KCNQ5: variants seen among roughly 807,000 people sequenced by gnomAD.
The protein encoded by KCNQ5 is potassium voltage-gated channel subfamily KQT member 5.
Under a neutral mutation model 98.2 loss-of-function variants are expected in KCNQ5, and 30 were observed. The observed-to-expected ratio is 0.31, with a 90% CI of 0.23 to 0.41. The LOEUF (loss-of-function observed/expected upper bound fraction) is 0.41. Ranked by LOEUF, KCNQ5 falls within the 10% of genes least tolerant of loss-of-function variation. The pLI is 1.00. For synonymous variants in KCNQ5, 458 were observed against 449.4 expected (o/e 1.02, Z -0.24); for missense variants, 835 against 1,182.5 (o/e 0.71, Z 4.31).
chr6:73,181,244 G>A (rs1202708884), intron 11 of KCNQ5, among the ~76,000 whole-genome samples: 1 of 152,168 alleles, frequency 6.6e-6, no homozygotes, highest in African/African-American at 2.4e-5. Flanking sequence ...TATCAGTTTT[G>A]TGCAATGGGT....
At chr6:73,169,189 G>T (rs1450768110) in intron 10 of KCNQ5, among the ~76,000 whole-genome samples, 4 of 66,912 alleles carry the variant, frequency 6.0e-5, no homozygotes, top group African/African-American at 4.5e-4. Context: ...TTTTTATCCA[G>T]TCTGAAAATC....
intron 2 of KCNQ5, among the ~76,000 whole-genome samples, chr6:73,015,066 T>C (rs1172092538): frequency 6.6e-6 from 1 of 152,102 alleles, no homozygotes; most frequent in African/African-American, 2.4e-5. Context: ...TAACAGAGTG[T>C]AAGGATAAGA....
chr6:72,881,196 A>G (rs985997837), intron 1 of KCNQ5, among the ~76,000 whole-genome samples: 1 of 152,228 alleles, frequency 6.6e-6, no homozygotes, highest in African/African-American at 2.4e-5. Context: ...AATCAGTCCT[A>G]GCAAAGTTTA....
At chr6:73,046,893 T>G (rs1239852729) in intron 3 of KCNQ5, among the ~76,000 whole-genome samples, 1 of 152,158 alleles carries the variant, frequency 6.6e-6, no homozygotes, top group Non-Finnish European at 1.5e-5. Context: ...TCCACCCGCC[T>G]CAGCGTCCCA....
chr6:72,855,578 C>T (rs1284417655), intron 1 of KCNQ5, among the ~76,000 whole-genome samples: 3 of 152,050 alleles, frequency 2.0e-5, no homozygotes, highest in African/African-American at 7.2e-5. Flanking sequence ...TTTATACTGA[C>T]AAGACACCAA....
intron 6 of KCNQ5, among the ~76,000 whole-genome samples, chr6:73,106,300 A>G (rs1774998320): frequency 6.6e-6 from 1 of 152,194 alleles, no homozygotes. Context: ...ACTCAAAATC[A>G]CAGAAAAGAG....
At chr6:72,945,410 C>T (rs550307547) in intron 1 of KCNQ5, among the ~76,000 whole-genome samples, 1 of 130,454 alleles carries the variant, frequency 7.7e-6, no homozygotes, top group African/African-American at 2.8e-5. Context: ...CCCCACCCCC[C>T]ACCCCACGAC....
At chr6:72,787,056 A>G (rs1773792529) in intron 1 of KCNQ5, among the ~76,000 whole-genome samples, 1 of 148,308 alleles carries the variant, frequency 6.7e-6, no homozygotes, top group Admixed American at 6.7e-5. Flanking sequence ...TTCATTTGTG[A>G]TGAAACATGT....
At chr6:72,704,327 C>A (rs1457904103) in intron 1 of KCNQ5, among the ~76,000 whole-genome samples, 1 of 151,954 alleles carries the variant, frequency 6.6e-6, no homozygotes, top group African/African-American at 2.4e-5. Context: ...GAAATATTTG[C>A]AGGTTTATTA....
chr6:72,974,253 T>C (rs974031761), intron 1 of KCNQ5, among the ~76,000 whole-genome samples: 3 of 152,188 alleles, frequency 2.0e-5, no homozygotes, highest in Non-Finnish European at 2.9e-5. Context: ...GCTGAGTAGC[T>C]CCTAGAGAGA....
chr6:73,112,790 G>A (rs1223803999), intron 7 of KCNQ5, among the ~76,000 whole-genome samples: 1 of 152,166 alleles, frequency 6.6e-6, no homozygotes, highest in Non-Finnish European at 1.5e-5. Flanking sequence ...AAAGAAGGGG[G>A]CAGTATGGTT....
chr6:72,929,318 A>C (rs1379377209), intron 1 of KCNQ5, among the ~76,000 whole-genome samples: 1 of 152,112 alleles, frequency 6.6e-6, no homozygotes, highest in African/African-American at 2.4e-5. Flanking sequence ...AAAAAATTAA[A>C]GTTCGGTGGA....
intron 1 of KCNQ5, among the ~76,000 whole-genome samples, chr6:72,985,396 G>C (rs1026373334): frequency 6.6e-6 from 1 of 152,192 alleles, no homozygotes; most frequent in Non-Finnish European, 1.5e-5. Flanking sequence ...TTTCAGATGA[G>C]CTGAAAACCA....
intron 1 of KCNQ5, among the ~76,000 whole-genome samples, chr6:72,709,096 G>A (rs1303245865): frequency 6.6e-6 from 1 of 152,086 alleles, no homozygotes; most frequent in Non-Finnish European, 1.5e-5. Flanking sequence ...CACCCACCTT[G>A]GCCCCACAAA....
At chr6:72,674,803 CAAA>C (rs1767327254) in intron 1 of KCNQ5, among the ~76,000 whole-genome samples, 1 of 151,944 alleles carries the variant, frequency 6.6e-6, no homozygotes, top group East Asian at 1.9e-4. Context: ...AGTTTAAAAA[CAAA>C]GAAAGTGGGA....
chr6:73,139,208 G>A (rs1461887253), intron 10 of KCNQ5, among the ~76,000 whole-genome samples: 1 of 152,192 alleles, frequency 6.6e-6, no homozygotes, highest in Non-Finnish European at 1.5e-5. Context: ...TTAAAAGTGA[G>A]GAGAACTGTC....
At position 73,195,360 on chromosome 6, in the gene KCNQ5, T is replaced by C. The variant is rs749923655; in HGVS notation, c.2745T>C (p.Cys915=). 2.0e-5 allele frequency: 32 copies of C among 1,614,046 alleles called. No homozygotes were observed. The highest frequency in any genetic ancestry group is 2.5e-5 in the Non-Finnish European group (30 of 1,180,030). ...GGTCACGATCATCTCAGAGCATTTGTAAGGCAGGAGAAAGTACAGATGCCC... is the reference window on the plus strand; with the variant it reads ...GGTCACGATCATCTCAGAGCATTTGCAAGGCAGGAGAAAGTACAGATGCCC... ...TGRSRSSQSI[C]KAGESTDALS... Residue 915 remains cysteine (C), a synonymous_variant, in exon 14 of 14, where the codon TGT becomes TGC. Coordinates refer to ENST00000370398, the MANE Select transcript of KCNQ5 (RefSeq NM_019842.4).
At chr6:73,167,632 C>G (rs1359710712) in intron 10 of KCNQ5, among the ~76,000 whole-genome samples, 4 of 152,192 alleles carry the variant, frequency 2.6e-5, no homozygotes, top group Non-Finnish European at 4.4e-5. Context: ...GTGTAAATTT[C>G]AATGAGCAGT....
chr6:72,759,350 C>G (rs1279083321), intron 1 of KCNQ5, among the ~76,000 whole-genome samples: 1 of 152,072 alleles, frequency 6.6e-6, no homozygotes, highest in Non-Finnish European at 1.5e-5. Flanking sequence ...CTTTCCTCAT[C>G]CAGTTATAAG....
Sources: gnomAD v4.1 joint callset for allele counts (sites outside exome capture counted in the v4.1 genomes callset) on GRCh38, gnomAD v4.1.1 for gene constraint, MANE v1.5 for transcripts, NCBI Gene and HGNC (gene_info 2026-07-23, HGNC 2026-07-21) for gene names.